Variants in CSNK1G3 observed in about 807,000 individuals in gnomAD.
CSNK1G3 encodes casein kinase 1 gamma 3.
CSNK1G3 carries 23 observed loss-of-function variants against 64.3 expected under a neutral mutation model. The observed-to-expected ratio is 0.36, with a 90% CI of 0.26 to 0.51. The LOEUF (loss-of-function observed/expected upper bound fraction) is 0.51, where lower values mean the gene tolerates loss of function less well. Among genes scored for constraint, CSNK1G3 ranks in the 20% least tolerant of loss-of-function variants. The pLI, the probability that CSNK1G3 is intolerant of heterozygous loss-of-function variation, is 0.96. For synonymous variants in CSNK1G3, 158 were observed against 162.2 expected (o/e 0.97, Z 0.20); for missense variants, 357 against 510.5 (o/e 0.70, Z 2.90).
intron 12 of CSNK1G3, among the ~76,000 whole-genome samples, chr5:123,613,009 C>T (rs1012658235): frequency 1.3e-5 from 2 of 152,020 alleles, no homozygotes; most frequent in Non-Finnish European, 2.9e-5. Context: ...TAAATTCAAC[C>T]TTAGGAAGGG....
chr5:123,608,234 C>T (rs1156484843), intron 12 of CSNK1G3, among the ~76,000 whole-genome samples: 1 of 152,124 alleles, frequency 6.6e-6, no homozygotes, highest in Non-Finnish European at 1.5e-5. Flanking sequence ...CTTCTCACCC[C>T]ACCCCATTTA....
intron 1 of CSNK1G3, among the ~76,000 whole-genome samples, chr5:123,526,407 G>A (rs927469666): frequency 6.6e-6 from 1 of 151,714 alleles, no homozygotes; most frequent in Non-Finnish European, 1.5e-5. Flanking sequence ...TTTATTAGTG[G>A]GTGGCCAGAC....
At chr5:123,587,568 T>C (rs187429385) in intron 6 of CSNK1G3, among the ~76,000 whole-genome samples, 53 of 152,320 alleles carry the variant, frequency 3.5e-4, no homozygotes, top group African/African-American at 1.2e-3. Flanking sequence ...CACAAGTTTT[T>C]CTTAAAATAT....
intron 2 of CSNK1G3, among the ~76,000 whole-genome samples, chr5:123,546,716 C>T (rs1368598997): frequency 6.6e-6 from 1 of 151,840 alleles, no homozygotes; most frequent in Non-Finnish European, 1.5e-5. Context: ...AGATTCAATC[C>T]TGCTGCTAGA....
intron 5 of CSNK1G3, among the ~76,000 whole-genome samples, chr5:123,575,062 A>G (rs1463924603): frequency 6.6e-6 from 1 of 152,172 alleles, no homozygotes; most frequent in Non-Finnish European, 1.5e-5. Context: ...CTTATTTGTA[A>G]TACTCTATTT....
intron 11 of CSNK1G3, 83 bp from the exon 13 acceptor site, chr5:123,605,256 T>A: frequency 8.1e-7 from 1 of 1,237,396 alleles, no homozygotes; most frequent in Non-Finnish European, 1.1e-6. Flanking sequence ...TGAAAAACAA[T>A]GTGATAATTT....
At chr5:123,555,119 C>T (rs1458906770) in intron 3 of CSNK1G3, among the ~76,000 whole-genome samples, 1 of 152,164 alleles carries the variant, frequency 6.6e-6, no homozygotes, top group Admixed American at 6.5e-5. Flanking sequence ...AACATTCTTC[C>T]TCCTCTCTGT....
chr5:123,542,447 C>T (rs549641505), intron 1 of CSNK1G3, among the ~76,000 whole-genome samples: 2 of 152,078 alleles, frequency 1.3e-5, no homozygotes, highest in African/African-American at 4.8e-5. Context: ...CTCTTGATTT[C>T]TTCTTAAAGT....
chr5:123,558,262 G>A (rs991020575), intron 4 of CSNK1G3, among the ~76,000 whole-genome samples: 1 of 152,160 alleles, frequency 6.6e-6, no homozygotes, highest in African/African-American at 2.4e-5. Flanking sequence ...AGCAGCCGTA[G>A]GCAACTAATA....
chr5:123,542,353 A>G (rs1289751299), intron 1 of CSNK1G3, among the ~76,000 whole-genome samples: 2 of 152,188 alleles, frequency 1.3e-5, no homozygotes, highest in African/African-American at 4.8e-5. Context: ...TACCTGTTAT[A>G]TATGACACTA....
chr5:123,574,404 A>G (rs1397278978), intron 5 of CSNK1G3, among the ~76,000 whole-genome samples: 2 of 152,246 alleles, frequency 1.3e-5, no homozygotes, highest in African/African-American at 4.8e-5. Context: ...TTAAAGCTTT[A>G]TATGAAAGGA....
chr5:123,601,424 G>T (rs1794479435), intron 10 of CSNK1G3, among the ~76,000 whole-genome samples: 1 of 152,112 alleles, frequency 6.6e-6, no homozygotes, highest in Admixed American at 6.6e-5. Flanking sequence ...CTGAACTTGG[G>T]ATACTAGCCT....
rs5871049 is a variant in CSNK1G3, at chr5:123,556,764, T to TTGTGTGTG, written c.220-710_220-703dup. ...AAACCCATGTTTCCTCTGTACATGTTTGTGTGTGTGTGTGTGTGTGTGTGT... is the reference window on the plus strand; with the variant it reads ...AAACCCATGTTTCCTCTGTACATGTTTGTGTGTGTGTGTGTGTGTGTGTGTGTGTGTGT... On this transcript the variant is annotated intron_variant, in intron 3 of 12. Transcript: ENST00000345990. Among the ~76,000 whole-genome samples, 3 of 148,766 alleles carry TTGTGTGTG rather than the reference T, an allele frequency of 2.0e-5. No homozygotes were observed. The Admixed American group carries it at 2.0e-4, about 10-fold the overall frequency.
chr5:123,605,353 T>G lies in CSNK1G3; in HGVS notation c.1208T>G (p.Leu403Trp), dbSNP rs770057039. ...TGTGCGTATAGCTGCCAGAAAGTGT[T>G]GAACATGTGGTGAGTCTCAAGTGTA... The change falls in exon 12 of 13, where the codon TTG (leucine) becomes TGG (tryptophan). Residue 403 changes from leucine (L) to tryptophan (W), a missense_variant. Physicochemically the swap from Leu to Trp is moderately conservative, Grantham distance 61 (BLOSUM62 -2). Transcript: ENST00000345990. 4 of 1,610,972 alleles carry G rather than the reference T, an allele frequency of 2.5e-6. No homozygotes were observed. In the Admixed American group the frequency reaches 5.0e-5, roughly 20 times the overall value.
chr5:123,576,650 A>G (rs1011155448), intron 6 of CSNK1G3, among the ~76,000 whole-genome samples: 1 of 152,066 alleles, frequency 6.6e-6, no homozygotes, highest in African/African-American at 2.4e-5. Context: ...ATTTTATAGG[A>G]TATCTCCAAT....
At chr5:123,590,438 A>G in exon 9 of CSNK1G3, 1 of 1,496,462 alleles carries the variant, frequency 6.7e-7, no homozygotes, top group Non-Finnish European at 8.9e-7. Context: ...TTCGTTATGT[A>G]AGAAGGCTAG....
chr5:123,610,554 T>A (rs1796144155), intron 12 of CSNK1G3, among the ~76,000 whole-genome samples: 1 of 152,000 alleles, frequency 6.6e-6, no homozygotes, highest in African/African-American at 2.4e-5. Flanking sequence ...AAAGGAGAAA[T>A]GGTGGTGCGG....
intron 1 of CSNK1G3, among the ~76,000 whole-genome samples, chr5:123,527,692 A>G (rs1468488102): frequency 6.6e-6 from 1 of 152,206 alleles, no homozygotes; most frequent in Non-Finnish European, 1.5e-5. Context: ...AAGAACGAAT[A>G]TAACTGTTAT....
intron 4 of CSNK1G3, among the ~76,000 whole-genome samples, chr5:123,568,298 A>C (rs766086581): frequency 4.0e-5 from 6 of 151,886 alleles, no homozygotes; most frequent in Non-Finnish European, 8.8e-5. Context: ...CGTGACTATG[A>C]CCTTTTTTTG....
Sources: gnomAD v4.1 joint callset for allele counts (sites outside exome capture counted in the v4.1 genomes callset) on GRCh38, gnomAD v4.1.1 for gene constraint, MANE v1.5 for transcripts, NCBI Gene and HGNC (gene_info 2026-07-23, HGNC 2026-07-21) for gene names.